The following EVI5 variants were observed in gnomAD, a reference collection of about 807,000 sequenced individuals.
The protein encoded by EVI5 is ecotropic viral integration site 5.
EVI5 carries 73 observed loss-of-function variants against 112.0 expected under a neutral mutation model. That is an observed-to-expected ratio of 0.65 (90% CI 0.54 to 0.79). The LOEUF (loss-of-function observed/expected upper bound fraction) is 0.79, where lower values mean the gene tolerates loss of function less well. EVI5 is among the 30% of genes least tolerant of loss of function. EVI5 has a pLI of 0.00. For missense variants in EVI5, 900 were observed against 968.8 expected, an observed-to-expected ratio of 0.93 and a Z score of 0.94; for synonymous variants, 305 against 319.9, an observed-to-expected ratio of 0.95 and a Z score of 0.50.
chr1:92,703,531 T>C lies in EVI5; in HGVS notation c.428A>G (p.Gln143Arg). 1.9e-6 allele frequency: 3 copies of C among 1,602,960 alleles called. No homozygotes were observed. The highest frequency in any genetic ancestry group is 2.2e-5 in the East Asian group (1 of 44,692). The change falls in exon 4 of 20, where the codon CAG (glutamine) becomes CGG (arginine). Residue 143 changes from glutamine (Q) to arginine (R), a missense_variant. Gln to Arg is a conservative substitution (Grantham distance 43). Transcript: ENST00000684568. ...GGTCATTTTCAGGAGTTCTGAATAC[T>C]GATCCTTAATTGGCATACTTTGTGC... ...CSAQSMPIKD[Q>R]YSELLKMTSP...
intron 16 of EVI5, 55 bp downstream of exon 16, chr1:92,624,118 CACA>C: frequency 7.0e-7 from 1 of 1,424,058 alleles, no homozygotes; most frequent in Non-Finnish European, 9.9e-7. Context: ...ACAATCTGTG[CACA>C]AACCCTTGAT....
intron 18 of EVI5, among the ~76,000 whole-genome samples, chr1:92,605,106 C>T (rs1201899019): frequency 6.6e-6 from 1 of 151,780 alleles, no homozygotes; most frequent in Non-Finnish European, 1.5e-5. Context: ...ACAACAGTGT[C>T]AAATATACTT....
At chr1:92,676,127 A>G (rs1251971737) in intron 10 of EVI5, among the ~76,000 whole-genome samples, 2 of 151,962 alleles carry the variant, frequency 1.3e-5, no homozygotes, top group Non-Finnish European at 2.9e-5. Context: ...GGTGACAGAA[A>G]TGGGAATAGA....
chr1:92,707,263 A>T (rs1376138569), intron 2 of EVI5, among the ~76,000 whole-genome samples: 3 of 151,902 alleles, frequency 2.0e-5, no homozygotes, highest in Non-Finnish European at 4.4e-5. Context: ...ACATAAGGAA[A>T]CAGTAACTAC....
intron 15 of EVI5, 30 bp downstream of exon 15, chr1:92,625,764 T>G: frequency 6.2e-7 from 1 of 1,603,024 alleles, no homozygotes; most frequent in Non-Finnish European, 8.5e-7. Flanking sequence ...TACTCTCTTT[T>G]AAAAAAGCAC....
In EVI5 at chr1:92,607,687, T is replaced by C. The variant is rs1571858612; in HGVS notation, c.1868A>G (p.Glu623Gly). Residue 623 changes from glutamate to glycine, a missense_variant, in exon 17 of 20, where the codon GAG becomes GGG. Physicochemically the swap from Glu to Gly is moderately conservative, Grantham distance 98 (BLOSUM62 -2). Transcript: ENST00000684568. ...CACTTTCTCCTGTAGGCTAATCACC[T>C]CTTGTTCTGCTCTTCGAAGATGGTT... ...NSNHLRRAEQEVISLQEKVQY... is the reference protein window; with the variant it reads ...NSNHLRRAEQGVISLQEKVQY... 2 of 1,604,830 alleles carry C rather than the reference T, an allele frequency of 1.2e-6. No individual in the cohort carries two copies. Among genetic ancestry groups the C allele is most frequent in the Non-Finnish European group, 1.7e-6 (2 of 1,175,608 alleles).
chr1:92,521,552 G>A (rs1460718605), intron 19 of EVI5, among the ~76,000 whole-genome samples: 2 of 152,112 alleles, frequency 1.3e-5, no homozygotes, highest in African/African-American at 4.8e-5. Context: ...TTAGCCAGGT[G>A]TGGTGGTGTG....
Position 92,624,246 on chromosome 1 carries a change from C to T in EVI5, c.1757G>A (p.Arg586Gln), listed in dbSNP as rs201719783. ...NELQDELMTI[R>Q]LREAETQAEI... ...TGCTTGTGTTTCAGCTTCTCTAAGT[C>T]GAATGGTCATCAGTTCATCTTGTAA... The change falls in exon 16 of 20, where the codon CGA (arginine) becomes CAA (glutamine). Residue 586 changes from arginine (R) to glutamine (Q), a missense_variant. Coordinates refer to ENST00000684568, the MANE Select transcript of EVI5 (RefSeq NM_001350197.2). 2.5e-5 allele frequency: 41 copies of T among 1,612,896 alleles called. No homozygotes were observed. The highest frequency in any genetic ancestry group is 5.5e-5 in the South Asian group (5 of 91,040).
At chr1:92,789,911 C>A (rs540704933), upstream of EVI5, among the ~76,000 whole-genome samples, 1 of 152,188 alleles carries the variant, frequency 6.6e-6, no homozygotes, top group Non-Finnish European at 1.5e-5. Flanking sequence ...TCCTCCCTCA[C>A]CCTGGGAGCT....
At chr1:92,581,240 T>C (rs1009215736) in intron 18 of EVI5, among the ~76,000 whole-genome samples, 4 of 152,218 alleles carry the variant, frequency 2.6e-5, no homozygotes, top group Admixed American at 6.5e-5. Context: ...AGAAAAAACC[T>C]AGCTAAACAA....
intron 1 of EVI5, 94 bp downstream of exon 1, chr1:92,784,742 C>T (rs1685389838): frequency 1.1e-6 from 1 of 909,712 alleles, no homozygotes; most frequent in South Asian, 5.0e-5. Flanking sequence ...CGGCCCCCGC[C>T]CGCCGCGCCT....
chr1:92,666,556 C>A (rs1219834782), intron 10 of EVI5, among the ~76,000 whole-genome samples: 4 of 118,232 alleles, frequency 3.4e-5, no homozygotes, highest in Non-Finnish European at 5.0e-5. Flanking sequence ...TGTACTCCGG[C>A]CTGGGAGACA....
chr1:92,665,816 A>T, intron 11 of EVI5, 123 bp downstream of exon 11: 1 of 584,772 alleles, frequency 1.7e-6, no homozygotes, highest in Non-Finnish European at 3.0e-6. Flanking sequence ...TAAGGTAAGC[A>T]AGCTAAGCAG....
At chr1:92,633,647 T>C (rs71617865) in intron 14 of EVI5, among the ~76,000 whole-genome samples, 1 of 152,242 alleles carries the variant, frequency 6.6e-6, no homozygotes, top group Non-Finnish European at 1.5e-5. Context: ...CTGTGTCTTT[T>C]AATTGGAGCA....
chr1:92,760,632 G>T (rs549374569), intron 1 of EVI5, among the ~76,000 whole-genome samples: 1 of 151,706 alleles, frequency 6.6e-6, no homozygotes, highest in East Asian at 1.9e-4. Flanking sequence ...TTCTTGAGAC[G>T]CTAAGGCAGG....
intron 2 of EVI5, among the ~76,000 whole-genome samples, chr1:92,707,263 A>G (rs1376138569): frequency 6.6e-6 from 1 of 151,902 alleles, no homozygotes; most frequent in African/African-American, 2.4e-5. Flanking sequence ...ACATAAGGAA[A>G]CAGTAACTAC....
At chr1:92,520,835 T>C (rs1660777946) in intron 19 of EVI5, among the ~76,000 whole-genome samples, 2 of 149,162 alleles carry the variant, frequency 1.3e-5, no homozygotes, top group South Asian at 2.1e-4. Context: ...GCCTGGGTGA[T>C]AGAGTGCAAC....
At chr1:92,630,619 G>T (rs931491373) in intron 14 of EVI5, among the ~76,000 whole-genome samples, 14 of 152,080 alleles carry the variant, frequency 9.2e-5, no homozygotes, top group South Asian at 4.2e-4. Context: ...TCTGTAGGTT[G>T]CCTGTTCACT....
intron 2 of EVI5, among the ~76,000 whole-genome samples, chr1:92,734,571 A>C (rs7526582): frequency 0.92 from 140,259 of 152,238 alleles, 64,704 homozygotes; most frequent in East Asian, 0.97. Context: ...CCAACAGAAA[A>C]TATTTCTATT....
Sources: gnomAD v4.1 joint callset for allele counts (sites outside exome capture counted in the v4.1 genomes callset) on GRCh38, gnomAD v4.1.1 for gene constraint, MANE v1.5 for transcripts, NCBI Gene and HGNC (gene_info 2026-07-23, HGNC 2026-07-21) for gene names.